PARVA: variants seen among roughly 807,000 people sequenced by gnomAD.
PARVA encodes the protein alpha-parvin.
In PARVA, 25 loss-of-function variants were observed where a neutral mutation model predicts 52.6. The observed-to-expected ratio is 0.48, with a 90% confidence interval of 0.35 to 0.66. The LOEUF (loss-of-function observed/expected upper bound fraction) is 0.66. Ranked by LOEUF, PARVA falls within the 30% of genes least tolerant of loss-of-function variation. The pLI, the probability that PARVA is intolerant of heterozygous loss-of-function variation, is 0.01. For synonymous variants in PARVA, 185 were observed against 179.1 expected (o/e 1.03, Z -0.26); for missense variants, 373 against 450.9 (o/e 0.83, Z 1.56).
Position 12,389,587 on chromosome 11 carries a change from G to GT in PARVA, c.136+11805dup, listed in dbSNP as rs1439754539. 2.6e-5 allele frequency among the ~76,000 whole-genome samples: 4 copies of GT among 152,320 alleles called. No individual in the cohort carries two copies. In the East Asian group the frequency reaches 5.8e-4, roughly 22 times the overall value. ...TTAGGTGGAACTCTTAGGAGACATG[G>GT]TGATTTCAAGCTGGGTCTTGAAGCC... On this transcript the variant is annotated intron_variant, in intron 1 of 12. Coordinates refer to ENST00000334956, the MANE Select transcript of PARVA (RefSeq NM_018222.5).
chr11:12,507,728 T>G (rs1165293923), intron 6 of PARVA, among the ~76,000 whole-genome samples: 1 of 152,148 alleles, frequency 6.6e-6, no homozygotes, highest in East Asian at 1.9e-4. Context: ...ATAACACTTT[T>G]GAGATGAAAG....
chr11:12,508,704 C>A, intron 7 of PARVA, 62 bp downstream of exon 7: 1 of 1,220,854 alleles, frequency 8.2e-7, no homozygotes, highest in South Asian at 1.2e-5. Flanking sequence ...CTCTGAAATT[C>A]ATCCATTTGC....
At chr11:12,457,964 C>T (rs1940720510) in intron 1 of PARVA, among the ~76,000 whole-genome samples, 2 of 152,232 alleles carry the variant, frequency 1.3e-5, no homozygotes, top group South Asian at 4.1e-4. Flanking sequence ...AGTCGGCCCT[C>T]AGCCCACTGA....
chr11:12,427,059 G>T (rs542263574), intron 1 of PARVA, among the ~76,000 whole-genome samples: 1 of 152,268 alleles, frequency 6.6e-6, no homozygotes, highest in Non-Finnish European at 1.5e-5. Context: ...AAAGCAAACA[G>T]CATGAGAAAG....
Position 12,425,754 on chromosome 11 carries a change from A to G in PARVA, c.136+47971A>G, listed in dbSNP as rs539564078. On this transcript the variant is annotated intron_variant, in intron 1 of 12. Coordinates refer to ENST00000334956, the MANE Select transcript of PARVA (RefSeq NM_018222.5). ...CTGAAGTCTTCTATTTCTTTTGTTT[A>G]GCAAACAGAGTCCACTATACAGTGC... Among the ~76,000 whole-genome samples the G allele has an allele frequency of 4.6e-5, 7 of 152,314 alleles. No individual in the cohort carries two copies. In the South Asian group the frequency reaches 1.4e-3, roughly 32 times the overall value.
intron 4 of PARVA, chr11:12,480,398 C>G (rs771739797): frequency 1.3e-5 from 2 of 152,110 alleles, no homozygotes; most frequent in Non-Finnish European, 2.9e-5. Context: ...GAAGACATGG[C>G]TAAGCCGGGA....
intron 4 of PARVA, among the ~76,000 whole-genome samples, chr11:12,484,906 T>G (rs1001234845): frequency 6.7e-6 from 1 of 150,156 alleles, no homozygotes; most frequent in African/African-American, 2.4e-5. Flanking sequence ...TTGACCTCCC[T>G]GGGCTCAGGA....
At chr11:12,510,461 T>C (rs75931041) in intron 7 of PARVA, among the ~76,000 whole-genome samples, 17,181 of 152,238 alleles carry the variant, frequency 0.11, 1,036 homozygotes, top group East Asian at 0.21. Context: ...TTATCTTCAT[T>C]TTAGAGATGA....
At chr11:12,461,219 GAA>G (rs1940775414) in intron 1 of PARVA, among the ~76,000 whole-genome samples, 1 of 152,170 alleles carries the variant, frequency 6.6e-6, no homozygotes, top group African/African-American at 2.4e-5. Flanking sequence ...ACATGCTTAT[GAA>G]TCTGTGAGAT....
In PARVA at chr11:12,532,684, C is replaced by T. The variant is rs1371743089; in HGVS notation, c.*4759C>T. Among the ~76,000 whole-genome samples the T allele has an allele frequency of 2.0e-5, 3 of 152,192 alleles. No homozygotes were observed. The highest frequency in any genetic ancestry group is 4.8e-5 in the African/African-American group (2 of 41,450). On this transcript the variant is annotated 3_prime_UTR_variant, in exon 13 of 13. Coordinates refer to ENST00000334956, the MANE Select transcript of PARVA (RefSeq NM_018222.5). The stretch of plus-strand genomic sequence containing the variant: ...ATTTAAGGTCATGAGAAGTCTCCGG[C>T]AAAGTGGCATTTTAAAGTAATCCCT...
chr11:12,515,953 C>T (rs1194841566), intron 10 of PARVA, among the ~76,000 whole-genome samples: 1 of 152,222 alleles, frequency 6.6e-6, no homozygotes, highest in Non-Finnish European at 1.5e-5. Flanking sequence ...CCTCCCACCC[C>T]AGTCTCCTGA....
At chr11:12,397,237 C>A (rs79726752) in intron 1 of PARVA, among the ~76,000 whole-genome samples, 13,481 of 152,014 alleles carry the variant, frequency 0.089, 727 homozygotes, top group African/African-American at 0.14. Flanking sequence ...TTTATTTATT[C>A]TTATTTTTAG....
intron 1 of PARVA, among the ~76,000 whole-genome samples, chr11:12,464,015 G>T (rs1940820258): frequency 7.9e-6 from 1 of 126,862 alleles, no homozygotes. Context: ...CTTCCTTTCT[G>T]GCTCCAAGCT....
At chr11:12,519,974 A>G (rs1941616925) in intron 12 of PARVA, among the ~76,000 whole-genome samples, 1 of 152,192 alleles carries the variant, frequency 6.6e-6, no homozygotes, top group African/African-American at 2.4e-5. Flanking sequence ...CACAGTGAGA[A>G]AGTTCCGACC....
At chr11:12,413,744 C>T (rs978724205) in intron 1 of PARVA, among the ~76,000 whole-genome samples, 4 of 152,236 alleles carry the variant, frequency 2.6e-5, no homozygotes, top group Non-Finnish European at 5.9e-5. Context: ...CCTGAAGGCT[C>T]TCTTGCCTCT....
intron 1 of PARVA, among the ~76,000 whole-genome samples, chr11:12,440,745 C>T (rs948898630): frequency 6.6e-6 from 1 of 152,182 alleles, no homozygotes. Context: ...CTGTTCTTAC[C>T]TCCAAGGGGC....
At chr11:12,437,497 T>C (rs72862212) in intron 1 of PARVA, among the ~76,000 whole-genome samples, 18,648 of 152,290 alleles carry the variant, frequency 0.12, 2,125 homozygotes, top group African/African-American at 0.3. Context: ...GTCTTCTCAC[T>C]AGAATATGAG....
At chr11:12,427,753 A>C (rs1187306481) in intron 1 of PARVA, among the ~76,000 whole-genome samples, 1 of 152,250 alleles carries the variant, frequency 6.6e-6, no homozygotes, top group Non-Finnish European at 1.5e-5. Flanking sequence ...TTAGGTAAAA[A>C]CATCAAATAC....
chr11:12,518,595 G>T, intron 12 of PARVA, 78 bp downstream of exon 12: 1 of 1,058,890 alleles, frequency 9.4e-7, no homozygotes, highest in East Asian at 2.5e-5. Context: ...TTTTGTAGCA[G>T]AGGGAAGCAT....
Sources: allele counts gnomAD v4.1 joint callset (sites outside exome capture counted in the v4.1 genomes callset), GRCh38; gene constraint gnomAD v4.1.1; transcripts MANE v1.5; gene names NCBI Gene and HGNC (gene_info 2026-07-23, HGNC 2026-07-21).